The following PLPP4 variants were observed in gnomAD, a reference collection of about 807,000 sequenced individuals.
PLPP4 encodes phospholipid phosphatase 4.
PLPP4 carries 20 observed loss-of-function variants against 32.2 expected under a neutral mutation model. The ratio of observed to expected loss-of-function variants is 0.62; its 90% confidence interval spans 0.44 to 0.90. The LOEUF (loss-of-function observed/expected upper bound fraction) is 0.90. PLPP4 is among the 40% of genes least tolerant of loss of function. PLPP4 has a pLI of 0.00. For synonymous variants in PLPP4, 127 were observed against 133.0 expected (o/e 0.95, Z 0.31); for missense variants, 257 against 353.1 (o/e 0.73, Z 2.18).
intron 1 of PLPP4, among the ~76,000 whole-genome samples, chr10:120,502,207 C>T (rs972446424): frequency 2.6e-5 from 4 of 152,178 alleles, no homozygotes; most frequent in African/African-American, 9.7e-5. Context: ...TAGCTACAAG[C>T]GATGCCTGTG....
chr10:120,518,961 C>A, intron 4 of PLPP4, 65 bp downstream of exon 4: 1 of 1,305,914 alleles, frequency 7.7e-7, no homozygotes, highest in Non-Finnish European at 1.1e-6. Context: ...GGAAGCTGGG[C>A]CAGAGGACAC....
At chr10:120,513,640 C>A (rs1845816147) in intron 2 of PLPP4, among the ~76,000 whole-genome samples, 1 of 152,196 alleles carries the variant, frequency 6.6e-6, no homozygotes, top group South Asian at 2.1e-4. Flanking sequence ...ATAGACTATT[C>A]TTTTCCATTT....
intron 5 of PLPP4, among the ~76,000 whole-genome samples, chr10:120,531,192 A>G (rs962611871): frequency 7.1e-6 from 1 of 140,082 alleles, no homozygotes; most frequent in African/African-American, 2.7e-5. Context: ...TACAATCTCC[A>G]CCTCCTGGGT....
intron 1 of PLPP4, among the ~76,000 whole-genome samples, chr10:120,486,527 G>A (rs906430649): frequency 3.3e-5 from 5 of 152,182 alleles, no homozygotes; most frequent in Non-Finnish European, 5.9e-5. Flanking sequence ...TTGTGAGGTT[G>A]AAAAGACATG....
chr10:120,508,402 G>C (rs1845594989), intron 2 of PLPP4, among the ~76,000 whole-genome samples: 1 of 152,058 alleles, frequency 6.6e-6, no homozygotes, highest in African/African-American at 2.4e-5. Context: ...AGGCACTTTG[G>C]GCCCATTGTT....
At chr10:120,563,573 G>A (rs912298799) in intron 5 of PLPP4, among the ~76,000 whole-genome samples, 1 of 148,902 alleles carries the variant, frequency 6.7e-6, no homozygotes, top group Non-Finnish European at 1.5e-5. Context: ...GGCCGAGGCG[G>A]GTGGATCATG....
rs1341814723 is a variant in PLPP4 at position 120,503,902 on chromosome 10, T to C, written c.141T>C (p.Asp47=). Residue 47 remains aspartate, a synonymous_variant, in exon 2 of 7, where the codon GAT becomes GAC. Coordinates refer to ENST00000398250, the MANE Select transcript of PLPP4 (RefSeq NM_001030059.3). ...ATAAAAATCCTTTGGTGCAATCAGA[T>C]AACATACCTACCCGCCTCATGTTTG... ...WLYKNPLVQS[D]NIPTRLMFAI... is the part of the protein sequence containing the mutation. 6.2e-7 allele frequency: 1 copy of C among 1,610,514 alleles called. No individual in the cohort carries two copies. The highest frequency in any genetic ancestry group is 8.5e-7 in the Non-Finnish European group (1 of 1,176,754).
Position 120,496,470 on chromosome 10 carries a change from T to C in PLPP4, c.57-7348T>C, listed in dbSNP as rs140204263. ...GGACCAGGGTCCTCACAGGTGGCTC[T>C]GGGTGGGAGGCTATTTCATGAGACC... On this transcript the variant is annotated intron_variant, in intron 1 of 6. Coordinates refer to ENST00000398250, the MANE Select transcript of PLPP4 (RefSeq NM_001030059.3). Among the ~76,000 whole-genome samples the C allele has an allele frequency of 2.8e-3, 434 of 152,328 alleles. 3 individuals carry two copies. The highest frequency in any genetic ancestry group is 1.0e-2 in the African/African-American group (415 of 41,574).
chr10:120,462,433 G>A (rs1415973244), intron 1 of PLPP4, among the ~76,000 whole-genome samples: 2 of 152,230 alleles, frequency 1.3e-5, no homozygotes, highest in African/African-American at 2.4e-5. Context: ...AGACTGTGAT[G>A]TGTGACTGCA....
chr10:120,458,576 C>A (rs1847896835), intron 1 of PLPP4, among the ~76,000 whole-genome samples: 1 of 152,036 alleles, frequency 6.6e-6, no homozygotes, highest in Non-Finnish European at 1.5e-5. Flanking sequence ...TTAAATTCAT[C>A]CAGAGTATTT....
rs1281133742 is a variant in PLPP4, at chr10:120,590,718, C to T, written c.*1216C>T. Among the ~76,000 whole-genome samples the T allele has an allele frequency of 1.3e-5, 2 of 151,318 alleles. No homozygotes were observed. Among genetic ancestry groups the T allele is most frequent in the Non-Finnish European group, 2.9e-5 (2 of 67,974 alleles). On this transcript the variant is annotated 3_prime_UTR_variant, in exon 7 of 7. Coordinates refer to ENST00000398250, the MANE Select transcript of PLPP4 (RefSeq NM_001030059.3). Reference sequence around the variant, plus strand: ...ATGTACCATGTGGTTGTTCAGATTCCTGGGCCTGGGTGCTACGAGGTGATG... The same window carrying T: ...ATGTACCATGTGGTTGTTCAGATTCTTGGGCCTGGGTGCTACGAGGTGATG...
At chr10:120,534,571 C>A (rs1413319628) in intron 5 of PLPP4, among the ~76,000 whole-genome samples, 2 of 151,992 alleles carry the variant, frequency 1.3e-5, no homozygotes, top group African/African-American at 4.8e-5. Flanking sequence ...TCAGGTACTT[C>A]CATTACATCT....
intron 1 of PLPP4, among the ~76,000 whole-genome samples, chr10:120,499,692 TC>T (rs1281537714): frequency 6.6e-6 from 1 of 152,158 alleles, no homozygotes; most frequent in Non-Finnish European, 1.5e-5. Context: ...TAAGGTCTTT[TC>T]TGAACCTGCT....
At chr10:120,521,183 G>T in intron 5 of PLPP4, 88 bp downstream of exon 5, 1 of 1,497,144 alleles carries the variant, frequency 6.7e-7, no homozygotes, top group East Asian at 2.3e-5. Flanking sequence ...GAAAAGCACT[G>T]GTACAGGAAT....
chr10:120,572,404 T>C (rs1427333284), intron 5 of PLPP4, among the ~76,000 whole-genome samples: 3 of 152,236 alleles, frequency 2.0e-5, no homozygotes, highest in Non-Finnish European at 2.9e-5. Flanking sequence ...TGATGACTTA[T>C]ATGTCTTAAA....
chr10:120,524,441 T>C (rs998608502), intron 5 of PLPP4, among the ~76,000 whole-genome samples: 1 of 152,226 alleles, frequency 6.6e-6, no homozygotes, highest in Non-Finnish European at 1.5e-5. Flanking sequence ...CTAAGACTAA[T>C]TCTCCATGCT....
At chr10:120,585,224 C>T (rs961302707) in intron 6 of PLPP4, among the ~76,000 whole-genome samples, 1 of 152,194 alleles carries the variant, frequency 6.6e-6, no homozygotes, top group African/African-American at 2.4e-5. Flanking sequence ...AGGCTGGTGG[C>T]CATAAGCTAG....
At chr10:120,510,252 A>G (rs535879548) in intron 2 of PLPP4, among the ~76,000 whole-genome samples, 21 of 152,304 alleles carry the variant, frequency 1.4e-4, no homozygotes, top group African/African-American at 4.6e-4. Context: ...GAAGGGTTCA[A>G]TATGTTCTCT....
intron 5 of PLPP4, among the ~76,000 whole-genome samples, chr10:120,552,272 G>A (rs1847946453): frequency 6.7e-6 from 1 of 150,126 alleles, no homozygotes; most frequent in Non-Finnish European, 1.5e-5. Context: ...CTTATTCATT[G>A]AAAAAAGCTT....
Sources: gnomAD v4.1 joint callset for allele counts (sites outside exome capture counted in the v4.1 genomes callset) on GRCh38, gnomAD v4.1.1 for gene constraint, MANE v1.5 for transcripts, NCBI Gene and HGNC (gene_info 2026-07-23, HGNC 2026-07-21) for gene names.